Variants in GIGYF2 observed in about 807,000 individuals in gnomAD.
GIGYF2 encodes the protein GRB10-interacting GYF protein 2.
Under a neutral mutation model 208.1 loss-of-function variants are expected in GIGYF2, and 25 were observed. The ratio of observed to expected loss-of-function variants is 0.12; its 90% confidence interval spans 0.09 to 0.17. GIGYF2 has a LOEUF of 0.17. GIGYF2 is among the 10% of genes least tolerant of loss of function. The pLI is 1.00. For missense variants in GIGYF2, 1,302 were observed against 1,579.4 expected (o/e 0.82, Z 2.98); for synonymous variants, 534 against 543.8 (o/e 0.98, Z 0.25).
intron 8 of GIGYF2, chr2:232,782,648 A>G (rs1189513119): frequency 2.0e-5 from 3 of 152,240 alleles, no homozygotes; most frequent in African/African-American, 7.2e-5. Context: ...CCCTGTAACA[A>G]TGAGAATGAA....
Position 232,812,331 on chromosome 2 carries a change from C to CTT in GIGYF2, c.2007-48_2007-47dup, listed in dbSNP as rs76864273. ...TGCTAATCTAGAAATTCCTCTTCAT[C>CTT]TTTTTTTTTTTTTCCTGCAAATGAC... On this transcript the variant is annotated intron_variant, in intron 17 of 28. Transcript: ENST00000373563. 1,218 of 700,142 alleles carry CTT rather than the reference C, an allele frequency of 1.7e-3. 4 individuals carry two copies. Among genetic ancestry groups the CTT allele is most frequent in the African/African-American group, 0.017 (911 of 54,342 alleles). The allele number at this position is 700,142 out of a possible 1,614,324, so 43.4% of individuals were successfully genotyped here.
At chr2:232,771,117 A>G in intron 8 of GIGYF2, 2 of 1,614,112 alleles carry the variant, frequency 1.2e-6, no homozygotes, top group Non-Finnish European at 1.7e-6. Context: ...CCAGATCACC[A>G]TTCATCTCAG....
intron 8 of GIGYF2, among the ~76,000 whole-genome samples, chr2:232,781,285 AATAC>A (rs1473812822): frequency 6.2e-5 from 4 of 64,854 alleles, no homozygotes; most frequent in Non-Finnish European, 1.2e-4. Flanking sequence ...TTATATCAGG[AATAC>A]ACACACACAC....
At chr2:232,719,754 A>T (rs75443659) in intron 2 of GIGYF2, among the ~76,000 whole-genome samples, 4 of 152,236 alleles carry the variant, frequency 2.6e-5, no homozygotes, top group African/African-American at 9.6e-5. Flanking sequence ...TCTAGCTTAT[A>T]TAATATTCAC....
At chr2:232,701,950 T>G (rs1695864845) in intron 1 of GIGYF2, among the ~76,000 whole-genome samples, 1 of 152,084 alleles carries the variant, frequency 6.6e-6, no homozygotes, top group Non-Finnish European at 1.5e-5. Context: ...GGAGGATCAC[T>G]TGAGCCATGA....
chr2:232,839,772 A>G (rs1574943800), intron 22 of GIGYF2, 77 bp from the exon 23 acceptor site: 10 of 1,399,720 alleles, frequency 7.1e-6, no homozygotes, highest in Non-Finnish European at 8.1e-6. Context: ...TGTTCTGGGT[A>G]TACATAATGC....
intron 1 of GIGYF2, chr2:232,698,379 G>C (rs1412578508): frequency 6.6e-6 from 1 of 152,094 alleles, no homozygotes; most frequent in Non-Finnish European, 1.5e-5. Context: ...CCTTTCTAGA[G>C]CTACATACAT....
In GIGYF2 at chr2:232,850,331, C is replaced by G; in HGVS notation, c.3754C>G (p.Gln1252Glu). ...TCAGACCAATCAAAGCAACAACCAA[C>G]AATCCAATTTTGAGGCTGTGCAGAG... ...VFQTNQSNNQ[Q>E]SNFEAVQSGK... Residue 1252 changes from glutamine (Q) to glutamate (E), a missense_variant, in exon 28 of 29, where the codon CAA becomes GAA. Gln to Glu is a conservative substitution (Grantham distance 29). Transcript: ENST00000373563. The G allele has an allele frequency of 6.2e-7, 1 of 1,613,720 alleles. No individual in the cohort carries two copies. Among genetic ancestry groups the G allele is most frequent in the Non-Finnish European group, 8.5e-7 (1 of 1,179,652 alleles).
In GIGYF2 at chr2:232,704,898, C is replaced by T. The variant is rs1425992065; in HGVS notation, c.-44+1409C>T. ...TTTTTGAGACAGAGTCTCGCTCTTT[C>T]GCCCAGGCTGGAGTGCAGTGGCGCG... On this transcript the variant is annotated intron_variant, in intron 2 of 28. Coordinates refer to ENST00000373563, the MANE Select transcript of GIGYF2 (RefSeq NM_001103146.3). Among the ~76,000 whole-genome samples, 16 of 122,292 alleles carry T rather than the reference C, an allele frequency of 1.3e-4. No homozygotes were observed. The East Asian group carries it at 1.7e-3, about 13-fold the overall frequency. 80.2% of individuals were successfully genotyped at this position (122,292 alleles called of 152,430 possible).
At chr2:232,719,592 A>C (rs1696848565) in intron 2 of GIGYF2, among the ~76,000 whole-genome samples, 1 of 152,216 alleles carries the variant, frequency 6.6e-6, no homozygotes, top group African/African-American at 2.4e-5. Flanking sequence ...ATGAGGTCCC[A>C]AAGAGGAGAT....
chr2:232,710,519 G>A (rs1198372850), intron 2 of GIGYF2, among the ~76,000 whole-genome samples: 2 of 152,168 alleles, frequency 1.3e-5, no homozygotes, highest in Non-Finnish European at 2.9e-5. Flanking sequence ...TGGTGGTTGA[G>A]CAAAACACAT....
chr2:232,796,775 A>C (rs969228716), intron 14 of GIGYF2, among the ~76,000 whole-genome samples: 2 of 152,016 alleles, frequency 1.3e-5, no homozygotes, highest in Admixed American at 1.3e-4. Flanking sequence ...CAGGAGAATC[A>C]CTTGAACCCA....
In GIGYF2 at chr2:232,820,504, C is replaced by T. The variant is rs552966437; in HGVS notation, c.2529+519C>T. Among the ~76,000 whole-genome samples the T allele has an allele frequency of 8.6e-5, 13 of 151,794 alleles. No individual in the cohort carries two copies. The South Asian group carries it at 1.9e-3, about 22-fold the overall frequency. On this transcript the variant is annotated intron_variant, in intron 21 of 28. Coordinates refer to ENST00000373563, the MANE Select transcript of GIGYF2 (RefSeq NM_001103146.3). ...TAATTTTTTGTATTTTTAGTAGAGA[C>T]GGGGTTTCATTGTGTTAGCCAGGGT... is the stretch of plus-strand genomic sequence containing the variant.
chr2:232,712,381 C>G (rs919761828), intron 2 of GIGYF2, among the ~76,000 whole-genome samples: 1 of 152,116 alleles, frequency 6.6e-6, no homozygotes, highest in African/African-American at 2.4e-5. Flanking sequence ...AGATGTATTC[C>G]TAGGGATCAA....
At chr2:232,764,045 A>G (rs1241174056) in intron 8 of GIGYF2, among the ~76,000 whole-genome samples, 1 of 152,192 alleles carries the variant, frequency 6.6e-6, no homozygotes, top group Non-Finnish European at 1.5e-5. Flanking sequence ...TTTAGAGGAT[A>G]TTGTTGGTAT....
At chr2:232,844,938 T>C (rs1378794076) in intron 25 of GIGYF2, among the ~76,000 whole-genome samples, 1 of 152,242 alleles carries the variant, frequency 6.6e-6, no homozygotes, top group African/African-American at 2.4e-5. Flanking sequence ...ATGCTATTAA[T>C]ATGAGTATTA....
At position 232,840,092 on chromosome 2, in the gene GIGYF2, G is replaced by A. The variant is rs138007549; in HGVS notation, c.2889+121G>A. On this transcript the variant is annotated intron_variant, in intron 23 of 28. Coordinates refer to ENST00000373563, the MANE Select transcript of GIGYF2 (RefSeq NM_001103146.3). ...GAATTGTTGTGTGTCTGAATTGGAC[G>A]TTCATTATTAAACTTCAGCCCATAA... 2.1e-4 allele frequency: 219 copies of A among 1,057,890 alleles called. 1 individual carries two copies. Among genetic ancestry groups the A allele is most frequent in the Middle Eastern group, 1.1e-3 (5 of 4,412 alleles). 65.5% of individuals were successfully genotyped at this position (1,057,890 alleles called of 1,614,324 possible).
chr2:232,788,319 G>A (rs1468313933), intron 9 of GIGYF2: 2 of 177,040 alleles, frequency 1.1e-5, no homozygotes, highest in Non-Finnish European at 2.5e-5. Flanking sequence ...GTAGAGTTAG[G>A]ATGGTTTTAT....
chr2:232,716,089 A>G (rs1696662767), intron 2 of GIGYF2, among the ~76,000 whole-genome samples: 1 of 152,096 alleles, frequency 6.6e-6, no homozygotes, highest in Non-Finnish European at 1.5e-5. Context: ...GTATAACTAT[A>G]CTGTGTGCAG....
Sources: allele counts gnomAD v4.1 joint callset (sites outside exome capture counted in the v4.1 genomes callset), GRCh38; gene constraint gnomAD v4.1.1; transcripts MANE v1.5; gene names NCBI Gene and HGNC (gene_info 2026-07-23, HGNC 2026-07-21).